The following LDLRAD4 variants were observed in gnomAD, a reference collection of about 807,000 sequenced individuals.
LDLRAD4 encodes low-density lipoprotein receptor class A domain-containing protein 4.
LDLRAD4 carries 5 observed loss-of-function variants against 17.0 expected under a neutral mutation model. The observed-to-expected ratio is 0.29, with a 90% CI of 0.15 to 0.62. The LOEUF is 0.62. Among genes scored for constraint, LDLRAD4 ranks in the 20% least tolerant of loss-of-function variants. The pLI, the probability that LDLRAD4 is intolerant of heterozygous loss-of-function variation, is 0.84. For synonymous variants in LDLRAD4, 168 were observed against 171.8 expected, an observed-to-expected ratio of 0.98 and a Z score of 0.17; for missense variants, 340 against 424.7, an observed-to-expected ratio of 0.80 and a Z score of 1.75.
chr18:13,343,802 G>A (rs1360020627), intron 1 of LDLRAD4, among the ~76,000 whole-genome samples: 2 of 152,148 alleles, frequency 1.3e-5, no homozygotes, highest in Non-Finnish European at 2.9e-5. Context: ...GTATCTCATT[G>A]TGGTTTTGAT....
At chr18:13,328,292 TG>T (rs1247684435) in intron 1 of LDLRAD4, among the ~76,000 whole-genome samples, 1 of 152,236 alleles carries the variant, frequency 6.6e-6, no homozygotes, top group Non-Finnish European at 1.5e-5. Flanking sequence ...TTTTTAAACA[TG>T]GGTCCCACAG....
At chr18:13,392,059 A>G (rs910119765) in intron 2 of LDLRAD4, among the ~76,000 whole-genome samples, 1 of 152,240 alleles carries the variant, frequency 6.6e-6, no homozygotes, top group Non-Finnish European at 1.5e-5. Flanking sequence ...AGGCAAAATT[A>G]TTGGGTCCAA....
At chr18:13,343,546 T>A (rs2082501988) in intron 1 of LDLRAD4, among the ~76,000 whole-genome samples, 1 of 152,202 alleles carries the variant, frequency 6.6e-6, no homozygotes, top group Non-Finnish European at 1.5e-5. Flanking sequence ...TAAACATACG[T>A]GTGCGTGTGT....
intron 1 of LDLRAD4, among the ~76,000 whole-genome samples, chr18:13,334,834 T>C (rs1270892355): frequency 6.6e-6 from 1 of 152,216 alleles, no homozygotes; most frequent in Non-Finnish European, 1.5e-5. Flanking sequence ...GCTGGTTTTT[T>C]GTAGATGTTG....
intron 1 of LDLRAD4, among the ~76,000 whole-genome samples, chr18:13,342,237 C>T (rs780666859): frequency 2.1e-4 from 32 of 152,044 alleles, no homozygotes; most frequent in Admixed American, 3.9e-4. Context: ...ATCAGGGTAA[C>T]GCTGGTCTCA....
At chr18:13,281,821 G>C (rs1043412998) in intron 1 of LDLRAD4, among the ~76,000 whole-genome samples, 2 of 152,174 alleles carry the variant, frequency 1.3e-5, no homozygotes, top group Admixed American at 1.3e-4. Context: ...TCAGGGGACT[G>C]GATTCTGAAG....
At chr18:13,588,610 C>T (rs1049251874) in intron 3 of LDLRAD4, among the ~76,000 whole-genome samples, 5 of 151,980 alleles carry the variant, frequency 3.3e-5, no homozygotes, top group South Asian at 2.1e-4. Flanking sequence ...CCTCACCAAG[C>T]GAAGGGACAG....
intron 3 of LDLRAD4, among the ~76,000 whole-genome samples, chr18:13,473,073 C>T (rs955346065): frequency 1.3e-5 from 2 of 151,936 alleles, no homozygotes; most frequent in South Asian, 2.1e-4. Context: ...GAGAACCCCC[C>T]GCCCCCGCCT....
chr18:13,302,738 T>C (rs956465526), intron 1 of LDLRAD4, among the ~76,000 whole-genome samples: 12 of 152,256 alleles, frequency 7.9e-5, no homozygotes, highest in Admixed American at 7.2e-4. Flanking sequence ...CACGCAGTTA[T>C]GGTACATGCA....
chr18:13,643,927 C>T (rs778611335), intron 5 of LDLRAD4, among the ~76,000 whole-genome samples: 4 of 151,652 alleles, frequency 2.6e-5, no homozygotes, highest in Admixed American at 6.6e-5. Flanking sequence ...TGTGTATGTA[C>T]GTATATAAAA....
intron 3 of LDLRAD4, among the ~76,000 whole-genome samples, chr18:13,604,304 T>C (rs1400144158): frequency 6.6e-6 from 1 of 152,184 alleles, no homozygotes. Flanking sequence ...GAGATGACAG[T>C]ATGTGCCGCT....
intron 1 of LDLRAD4, among the ~76,000 whole-genome samples, chr18:13,347,806 C>T (rs889727083): frequency 6.6e-6 from 1 of 152,144 alleles, no homozygotes. Flanking sequence ...TCTCTTCTTG[C>T]TTCATTTCAT....
At chr18:13,439,848 C>T (rs913557028) in intron 3 of LDLRAD4, among the ~76,000 whole-genome samples, 1 of 152,188 alleles carries the variant, frequency 6.6e-6, no homozygotes. Context: ...TTGGCCTTTC[C>T]ACATGGATGG....
At chr18:13,478,976 T>G (rs749440749) in intron 3 of LDLRAD4, among the ~76,000 whole-genome samples, 5 of 152,212 alleles carry the variant, frequency 3.3e-5, no homozygotes, top group Non-Finnish European at 5.9e-5. Context: ...CATAAAAATA[T>G]GGCCTATGAA....
chr18:13,373,338 T>C (rs933723279), intron 1 of LDLRAD4, among the ~76,000 whole-genome samples: 8 of 152,198 alleles, frequency 5.3e-5, no homozygotes, highest in Non-Finnish European at 8.8e-5. Context: ...TATACACATA[T>C]GTATAAATAT....
chr18:13,447,869 G>C (rs929110724), intron 3 of LDLRAD4, among the ~76,000 whole-genome samples: 1 of 152,154 alleles, frequency 6.6e-6, no homozygotes. Flanking sequence ...CGAAGCCCTG[G>C]TCTCTAAGGA....
intron 1 of LDLRAD4, among the ~76,000 whole-genome samples, chr18:13,386,931 GATAGATAGATAGATA>G (rs1568082776): frequency 1.0e-4 from 15 of 143,656 alleles, no homozygotes; most frequent in African/African-American, 3.8e-4. Flanking sequence ...TAGATAGATA[GATAGATAGATAGATA>G]GATGGATGGA....
At chr18:13,429,651 T>TAAGAC (rs1189235807) in intron 2 of LDLRAD4, among the ~76,000 whole-genome samples, 1 of 152,214 alleles carries the variant, frequency 6.6e-6, no homozygotes, top group African/African-American at 2.4e-5. Flanking sequence ...TTTTAGAACA[T>TAAGAC]AAGACTTTTA....
intron 3 of LDLRAD4, among the ~76,000 whole-genome samples, chr18:13,509,599 C>A: frequency 6.6e-6 from 1 of 152,068 alleles, no homozygotes; most frequent in Non-Finnish European, 1.5e-5. Flanking sequence ...GTTGAAATGA[C>A]AACAAAGGAT....
Sources: gnomAD v4.1 joint callset for allele counts (sites outside exome capture counted in the v4.1 genomes callset) on GRCh38, gnomAD v4.1.1 for gene constraint, MANE v1.5 for transcripts, NCBI Gene and HGNC (gene_info 2026-07-23, HGNC 2026-07-21) for gene names.